The following CLVS1 variants were observed in gnomAD, a reference collection of about 807,000 sequenced individuals.
CLVS1 encodes clavesin-1.
A neutral mutation model predicts 33.1 loss-of-function variants in CLVS1; 10 were observed. The ratio of observed to expected loss-of-function variants is 0.30; its 90% CI spans 0.19 to 0.51. The LOEUF (loss-of-function observed/expected upper bound fraction) is 0.51. CLVS1 is among the 20% of genes least tolerant of loss of function. CLVS1 has a pLI of 0.97. For missense variants in CLVS1, 343 were observed against 433.4 expected (o/e 0.79, Z 1.85); for synonymous variants, 163 against 166.1 (o/e 0.98, Z 0.14).
intron 5 of CLVS1, among the ~76,000 whole-genome samples, chr8:61,488,067 C>T (rs375801633): frequency 6.6e-6 from 1 of 152,124 alleles, no homozygotes; most frequent in African/African-American, 2.4e-5. Flanking sequence ...CTGTTCAAAG[C>T]GGGTGGTGTA....
At chr8:61,157,200 CT>C (rs200864926) in intron 2 of CLVS1, among the ~76,000 whole-genome samples, 1 of 151,776 alleles carries the variant, frequency 6.6e-6, no homozygotes, top group Non-Finnish European at 1.5e-5. Flanking sequence ...AGGGTAGGCT[CT>C]TTTTTTTGCA....
At position 61,500,829 on chromosome 8, in the gene CLVS1, T is replaced by C. The variant is rs181087874; in HGVS notation, c.*1287T>C. 6.6e-6 allele frequency: 1 copy of C among 152,336 alleles called. No individual in the cohort carries two copies. Among genetic ancestry groups the C allele is most frequent in the East Asian group, 1.9e-4 (1 of 5,186 alleles). The allele number at this position is 152,336 out of a possible 1,614,324, so 9.4% of individuals were successfully genotyped here. The stretch of plus-strand genomic sequence containing the variant: ...GGCAGTAAAATATGATTTTACATTA[T>C]TTTAAATATTTGGGAGAGTTAATTT... On this transcript the variant is annotated 3_prime_UTR_variant, in exon 6 of 6. Coordinates refer to ENST00000325897, the MANE Select transcript of CLVS1 (RefSeq NM_173519.3).
intron 2 of CLVS1, among the ~76,000 whole-genome samples, chr8:61,233,277 G>A (rs1808483132): frequency 6.6e-6 from 1 of 152,126 alleles, no homozygotes. Context: ...TCAGGGCATC[G>A]ACACATTCTG....
intron 1 of CLVS1, among the ~76,000 whole-genome samples, chr8:61,062,630 G>A (rs945555158): frequency 3.3e-5 from 5 of 152,214 alleles, no homozygotes; most frequent in Non-Finnish European, 7.3e-5. Context: ...GTCTATGGCA[G>A]GATCTGGCTG....
At chr8:61,307,344 A>G (rs1271200002) in intron 2 of CLVS1, among the ~76,000 whole-genome samples, 1 of 152,194 alleles carries the variant, frequency 6.6e-6, no homozygotes, top group African/African-American at 2.4e-5. Flanking sequence ...AGTTAGGGTA[A>G]TTTACTAGAG....
intron 2 of CLVS1, among the ~76,000 whole-genome samples, chr8:61,178,420 A>ACTT (rs1356277698): frequency 6.6e-6 from 1 of 152,196 alleles, no homozygotes; most frequent in Non-Finnish European, 1.5e-5. Context: ...TGGAAAACAC[A>ACTT]CTTCAGGGTA....
chr8:61,281,511 A>T (rs2129593212), intron 2 of CLVS1, among the ~76,000 whole-genome samples: 1 of 152,328 alleles, frequency 6.6e-6, no homozygotes, highest in South Asian at 2.1e-4. Context: ...AAACAAGGAG[A>T]GAGCCCTCAT....
chr8:61,420,890 G>C (rs531915614), intron 3 of CLVS1, among the ~76,000 whole-genome samples: 1 of 151,664 alleles, frequency 6.6e-6, no homozygotes, highest in East Asian at 1.9e-4. Context: ...AGAATCACTT[G>C]AACCCAGGAG....
At chr8:61,353,659 A>T (rs1413003252) in intron 2 of CLVS1, among the ~76,000 whole-genome samples, 2 of 151,756 alleles carry the variant, frequency 1.3e-5, no homozygotes, top group Non-Finnish European at 2.9e-5. Context: ...TCAAGTCAAA[A>T]ATCTGTTCTA....
rs192893990 is a variant in CLVS1, at chr8:61,420,058, C to T, written c.631-34083C>T. Among the ~76,000 whole-genome samples, 18 of 152,280 alleles carry T rather than the reference C, an allele frequency of 1.2e-4. No individual in the cohort carries two copies. In the East Asian group the frequency reaches 3.3e-3, roughly 28 times the overall value. On this transcript the variant is annotated intron_variant, in intron 3 of 5. Coordinates refer to ENST00000325897, the MANE Select transcript of CLVS1 (RefSeq NM_173519.3). Reference sequence around the variant, plus strand: ...TATCTAATATCTTTCAATAACTTTCCTCCCTTTTATTTCATGGAACTCATA... The same window carrying T: ...TATCTAATATCTTTCAATAACTTTCTTCCCTTTTATTTCATGGAACTCATA...
intron 2 of CLVS1, among the ~76,000 whole-genome samples, chr8:61,365,781 G>T (rs537477901): frequency 7.4e-6 from 1 of 134,626 alleles, no homozygotes; most frequent in South Asian, 2.1e-4. Flanking sequence ...GTGTGCGTGT[G>T]TGTGTGTGTG....
chr8:61,139,718 G>A (rs1172124067), intron 2 of CLVS1, among the ~76,000 whole-genome samples: 1 of 151,918 alleles, frequency 6.6e-6, no homozygotes, highest in Admixed American at 6.6e-5. Flanking sequence ...TCGGTGGTCG[G>A]GGTCCGCTTC....
chr8:61,212,875 G>A (rs902437263), intron 2 of CLVS1, among the ~76,000 whole-genome samples: 1 of 152,130 alleles, frequency 6.6e-6, no homozygotes, highest in Non-Finnish European at 1.5e-5. Flanking sequence ...CTGACTGCCT[G>A]CTTCCCTAGT....
chr8:61,026,951 T>A, the CLVS1 span, among the ~76,000 whole-genome samples: 1 of 152,144 alleles, frequency 6.6e-6, no homozygotes, highest in Non-Finnish European at 1.5e-5. Context: ...AAATCCTCTT[T>A]ATGAAACTTG....
intron 3 of CLVS1, among the ~76,000 whole-genome samples, chr8:61,404,192 C>G (rs1814888814): frequency 6.6e-6 from 1 of 152,146 alleles, no homozygotes; most frequent in African/African-American, 2.4e-5. Flanking sequence ...AATTGGTCAG[C>G]TTGGAGCTTC....
chr8:61,007,556 C>T, the CLVS1 span, among the ~76,000 whole-genome samples: 1 of 152,208 alleles, frequency 6.6e-6, no homozygotes, highest in Non-Finnish European at 1.5e-5. Context: ...CAGTAAGTCT[C>T]CCAGAGAGCC....
chr8:61,004,947 C>T, the CLVS1 span, among the ~76,000 whole-genome samples: 2 of 145,216 alleles, frequency 1.4e-5, no homozygotes, highest in Non-Finnish European at 3.1e-5. Flanking sequence ...TTGTTTAAAA[C>T]AAAACAAGAC....
chr8:61,261,613 G>A (rs1563467488), intron 2 of CLVS1, among the ~76,000 whole-genome samples: 2 of 152,138 alleles, frequency 1.3e-5, no homozygotes, highest in South Asian at 4.1e-4. Flanking sequence ...TATATCAGGA[G>A]GGTAGAGCCC....
chr8:61,480,362 G>A (rs1354108168), intron 5 of CLVS1, among the ~76,000 whole-genome samples: 1 of 152,196 alleles, frequency 6.6e-6, no homozygotes, highest in East Asian at 1.9e-4. Flanking sequence ...AAGGCTCCGT[G>A]GGCGTAGGAT....
Sources: allele counts gnomAD v4.1 joint callset (sites outside exome capture counted in the v4.1 genomes callset), GRCh38; gene constraint gnomAD v4.1.1; transcripts MANE v1.5; gene names NCBI Gene and HGNC (gene_info 2026-07-23, HGNC 2026-07-21).